The following KLRF1 variants were observed in gnomAD, a reference collection of about 807,000 sequenced individuals.
The protein encoded by KLRF1 is killer cell lectin like receptor F1.
In KLRF1, 27 loss-of-function variants were observed where a neutral mutation model predicts 30.7. That is an observed-to-expected ratio of 0.88 (90% CI 0.65 to 1.21). The LOEUF (loss-of-function observed/expected upper bound fraction) is 1.21, where lower values mean the gene tolerates loss of function less well. Among genes scored for constraint, KLRF1 ranks in the 50% most tolerant of loss-of-function variants. KLRF1 has a pLI of 0.00. For synonymous variants in KLRF1, 92 were observed against 89.3 expected, an observed-to-expected ratio of 1.03 and a Z score of -0.17; for missense variants, 246 against 259.3, an observed-to-expected ratio of 0.95 and a Z score of 0.35.
At chr12:9,823,740 T>A (rs939046858), upstream of KLRF1, among the ~76,000 whole-genome samples, 3 of 150,324 alleles carry the variant, frequency 2.0e-5, no homozygotes, top group Non-Finnish European at 4.4e-5. Context: ...CTCATTGGAC[T>A]AATAATGAAG....
chr12:9,837,674 T>C (rs1867609311), intron 3 of KLRF1, among the ~76,000 whole-genome samples: 1 of 152,176 alleles, frequency 6.6e-6, no homozygotes, highest in African/African-American at 2.4e-5. Flanking sequence ...TTGCCTCATG[T>C]GACAAAAGCT....
At chr12:9,831,264 T>C (rs763121097) in intron 1 of KLRF1, among the ~76,000 whole-genome samples, 1 of 152,270 alleles carries the variant, frequency 6.6e-6, no homozygotes, top group South Asian at 2.1e-4. Context: ...GGAGTATTCA[T>C]TAAATGAATT....
chr12:9,806,209 A>G, the KLRF1 span, among the ~76,000 whole-genome samples: 2 of 151,988 alleles, frequency 1.3e-5, no homozygotes, highest in African/African-American at 4.8e-5. Context: ...TTTGCATCCT[A>G]TAATTTTTAT....
At chr12:9,815,847 T>C in the KLRF1 span, among the ~76,000 whole-genome samples, 5 of 152,190 alleles carry the variant, frequency 3.3e-5, no homozygotes, top group Non-Finnish European at 7.3e-5. Flanking sequence ...AGATGGAGTT[T>C]CACTCTTGTT....
In KLRF1 at chr12:9,833,340, T is replaced by C; in HGVS notation, c.222T>C (p.Ser74=). 1 of 1,605,422 alleles carries C rather than the reference T, an allele frequency of 6.2e-7. No individual in the cohort carries two copies. Among genetic ancestry groups the C allele is most frequent in the South Asian group, 1.1e-5 (1 of 89,266 alleles). ...QGVLLKCQKG[S]CSNATQYEDT... ...TATTGCTAAAATGCCAAAAAGGAAG[T>C]TGTTCAAATGCCACTCAGTATGAGG... The change falls in exon 3 of 6, where the codon AGT becomes AGC. Residue 74 remains serine, a synonymous_variant. Transcript: ENST00000617889.
upstream of KLRF1, chr12:9,827,467 A>G (rs1473664094): frequency 2.2e-5 from 16 of 730,316 alleles, no homozygotes; most frequent in Non-Finnish European, 2.9e-5. Context: ...CAGCAGATTT[A>G]TTATTCTTTC....
Position 9,841,955 on chromosome 12 carries a change from A to G in KLRF1, c.474+4A>G, listed in dbSNP as rs770546326. 2 of 1,610,248 alleles carry G rather than the reference A, an allele frequency of 1.2e-6. No homozygotes were observed. Among genetic ancestry groups the G allele is most frequent in the African/African-American group, 1.3e-5 (1 of 74,812 alleles). ...CATACATGACCAACTTGAAATGGTA[A>G]TTGGTCTAGTATCAGGGTTATGGCA... On this transcript the variant is annotated splice_donor_region_variant and intron_variant, in intron 4 of 5. Coordinates refer to ENST00000617889, the MANE Select transcript of KLRF1 (RefSeq NM_016523.3).
the KLRF1 span, among the ~76,000 whole-genome samples, chr12:9,812,237 C>A: frequency 4.0e-5 from 6 of 151,882 alleles, no homozygotes; most frequent in Non-Finnish European, 8.8e-5. Context: ...TGGTGGCGGG[C>A]GCCTGTAGTC....
the KLRF1 span, among the ~76,000 whole-genome samples, chr12:9,812,367 G>GA: frequency 2.9e-3 from 278 of 95,768 alleles, 1 homozygote; most frequent in African/African-American, 0.01. Context: ...GCCGTCTCAG[G>GA]AAAAAAAAAA....
At chr12:9,817,506 T>C in the KLRF1 span, 1 of 400,996 alleles carries the variant, frequency 2.5e-6, no homozygotes, top group East Asian at 8.8e-5. Context: ...TCCAGAGTAC[T>C]GTTTTGACTT....
intron 1 of KLRF1, among the ~76,000 whole-genome samples, chr12:9,831,441 T>C (rs1003438340): frequency 6.6e-6 from 1 of 152,170 alleles, no homozygotes; most frequent in African/African-American, 2.4e-5. Flanking sequence ...GTATTTAGAA[T>C]ATAAATTTCA....
At position 9,833,314 on chromosome 12, in the gene KLRF1, G is replaced by A; in HGVS notation, c.196G>A (p.Val66Ile). The change falls in exon 3 of 6, where the codon GTA (valine) becomes ATA (isoleucine). Residue 66 changes from valine to isoleucine, a missense_variant. Physicochemically the swap from Val to Ile is conservative, Grantham distance 29. Coordinates refer to ENST00000617889, the MANE Select transcript of KLRF1 (RefSeq NM_016523.3). ...ISLILLVSQG[V>I]LLKCQKGSCS... ...GTCCTGTATTCAAGTTTCTCAGGGA[G>A]TATTGCTAAAATGCCAAAAAGGAAG... 3.8e-6 allele frequency: 6 copies of A among 1,598,764 alleles called. No individual in the cohort carries two copies. The highest frequency in any genetic ancestry group is 5.1e-6 in the Non-Finnish European group (6 of 1,173,566).
Position 9,832,404 on chromosome 12 carries a change from G to A in KLRF1, c.174G>A (p.Leu58=), listed in dbSNP as rs1196471874. The A allele has an allele frequency of 2.5e-6, 4 of 1,583,336 alleles. No homozygotes were observed. The highest frequency in any genetic ancestry group is 1.3e-5 in the African/African-American group (1 of 74,224). Residue 58 remains leucine (L), a synonymous_variant, in exon 2 of 6, where the codon TTG becomes TTA. Transcript: ENST00000617889. The part of the protein sequence containing the change: ...NGILTLTLIS[L]ILLVSQGVLL... ...TTCTCACTTTGACTTTGATCTCCTT[G>A]ATCCTGTTGGGTAAGTTTAGAAGAT...
At chr12:9,835,389 T>C (rs1290351458) in intron 3 of KLRF1, among the ~76,000 whole-genome samples, 1 of 151,868 alleles carries the variant, frequency 6.6e-6, no homozygotes, top group East Asian at 1.9e-4. Context: ...ACTGGTGGGG[T>C]AACTGCGTAG....
Position 9,842,339 on chromosome 12 carries a change from C to T in KLRF1, c.493C>T (p.Leu165=). The change falls in exon 5 of 6, where the codon CTA becomes TTA. Residue 165 remains leucine, a synonymous_variant. Transcript: ENST00000617889. ...ATTTTAGGCTTTTATACAGAAAAAC[C>T]TAAGACAATTAAACTACGTATGGAT... The part of the protein sequence containing the change: ...QLEMAFIQKN[L]RQLNYVWIGL... The T allele has an allele frequency of 6.2e-7, 1 of 1,611,752 alleles. No individual in the cohort carries two copies. Among genetic ancestry groups the T allele is most frequent in the Non-Finnish European group, 8.5e-7 (1 of 1,178,502 alleles).
intron 1 of KLRF1, among the ~76,000 whole-genome samples, chr12:9,829,392 T>G (rs1378571202): frequency 1.3e-5 from 2 of 151,916 alleles, no homozygotes; most frequent in Non-Finnish European, 2.9e-5. Context: ...TTTTTATGGA[T>G]TTTTTTTCAT....
chr12:9,812,711 T>C, the KLRF1 span, among the ~76,000 whole-genome samples: 54 of 152,060 alleles, frequency 3.6e-4, no homozygotes, highest in African/African-American at 1.3e-3. Flanking sequence ...CCTTGGGGTA[T>C]ATTTTATCAC....
chr12:9,806,742 T>C, the KLRF1 span, among the ~76,000 whole-genome samples: 44 of 152,170 alleles, frequency 2.9e-4, no homozygotes, highest in African/African-American at 1.0e-3. Flanking sequence ...AGTACAGTGG[T>C]GTAATCACGG....
chr12:9,832,978 G>T (rs1241901404), intron 2 of KLRF1, among the ~76,000 whole-genome samples: 1 of 152,020 alleles, frequency 6.6e-6, no homozygotes, highest in South Asian at 2.1e-4. Flanking sequence ...TACAGTGTTG[G>T]AGGCTGCAGA....
Sources: allele counts gnomAD v4.1 joint callset (sites outside exome capture counted in the v4.1 genomes callset), GRCh38; gene constraint gnomAD v4.1.1; transcripts MANE v1.5; gene names NCBI Gene and HGNC (gene_info 2026-07-23, HGNC 2026-07-21).